The following KCNMB2 variants were observed in gnomAD, a reference collection of about 807,000 sequenced individuals.
KCNMB2 encodes the protein potassium calcium-activated channel subfamily M regulatory beta subunit 2.
Under a neutral mutation model 24.5 loss-of-function variants are expected in KCNMB2, and 9 were observed. The ratio of observed to expected loss-of-function variants is 0.37; its 90% CI spans 0.22 to 0.64. The LOEUF (loss-of-function observed/expected upper bound fraction) is 0.64. Ranked by LOEUF, KCNMB2 falls within the 30% of genes least tolerant of loss-of-function variation. The pLI is 0.63. For synonymous variants in KCNMB2, 109 were observed against 104.4 expected (o/e 1.04, Z -0.27); for missense variants, 226 against 284.3 (o/e 0.79, Z 1.47).
rs1225230885 is a variant in KCNMB2 at position 178,843,089 on chromosome 3, A to G, written c.*152A>G. 5.8e-6 allele frequency: 4 copies of G among 686,824 alleles called. No individual in the cohort carries two copies. The highest frequency in any genetic ancestry group is 7.8e-6 in the Non-Finnish European group (3 of 385,922). 42.5% of individuals were successfully genotyped at this position (686,824 alleles called of 1,614,324 possible). ...AGCAATAATGCAAAAGCTGTTCTATATGCAAACATGATGTCTTTATTATTC... is the reference window on the plus strand; with the variant it reads ...AGCAATAATGCAAAAGCTGTTCTATGTGCAAACATGATGTCTTTATTATTC... On this transcript the variant is annotated 3_prime_UTR_variant, in exon 5 of 5. Coordinates refer to ENST00000452583, the MANE Select transcript of KCNMB2 (RefSeq NM_181361.3).
chr3:178,546,052 G>C (rs1715762465), intron 1 of KCNMB2, among the ~76,000 whole-genome samples: 1 of 152,102 alleles, frequency 6.6e-6, no homozygotes, highest in Non-Finnish European at 1.5e-5. Flanking sequence ...AACAGCACAG[G>C]ACTCATTTCT....
intron 1 of KCNMB2, among the ~76,000 whole-genome samples, chr3:178,616,462 T>A (rs1427951674): frequency 2.0e-5 from 3 of 152,170 alleles, no homozygotes; most frequent in Non-Finnish European, 4.4e-5. Context: ...TAGTACTGTA[T>A]TCAATGCCTC....
intron 1 of KCNMB2, among the ~76,000 whole-genome samples, chr3:178,683,697 T>C (rs953475133): frequency 1.3e-5 from 2 of 152,208 alleles, no homozygotes; most frequent in Admixed American, 6.5e-5. Context: ...ACCCTCAGTT[T>C]AACCTTCACT....
intron 1 of KCNMB2, among the ~76,000 whole-genome samples, chr3:178,684,000 A>G (rs1451447130): frequency 2.0e-5 from 3 of 152,164 alleles, no homozygotes; most frequent in African/African-American, 7.2e-5. Context: ...TCACTGCTAT[A>G]CTTACAGTGA....
At chr3:178,617,757 G>T (rs186252109) in intron 1 of KCNMB2, among the ~76,000 whole-genome samples, 77 of 151,848 alleles carry the variant, frequency 5.1e-4, no homozygotes, top group Non-Finnish European at 9.1e-4. Context: ...TGAGTGTGGT[G>T]GTGGGTACCT....
intron 1 of KCNMB2, among the ~76,000 whole-genome samples, chr3:178,757,935 A>ATAT (rs1560006145): frequency 7.7e-6 from 1 of 130,712 alleles, no homozygotes; most frequent in African/African-American, 2.8e-5. Context: ...ATATATATAT[A>ATAT]CACAAGGGGA....
chr3:178,723,393 T>A (rs983434482), intron 1 of KCNMB2, among the ~76,000 whole-genome samples: 1 of 152,190 alleles, frequency 6.6e-6, no homozygotes, highest in African/African-American at 2.4e-5. Context: ...TCATCAGCAT[T>A]TTGTAGTTTT....
At chr3:178,724,546 G>T (rs1352203718) in intron 1 of KCNMB2, among the ~76,000 whole-genome samples, 1 of 151,930 alleles carries the variant, frequency 6.6e-6, no homozygotes, top group South Asian at 2.1e-4. Flanking sequence ...TCTTGCATTT[G>T]CTTTTAGGGT....
intron 1 of KCNMB2, among the ~76,000 whole-genome samples, chr3:178,745,468 A>T (rs564584119): frequency 6.6e-6 from 1 of 152,210 alleles, no homozygotes; most frequent in South Asian, 2.1e-4. Flanking sequence ...TTCAAGATGA[A>T]ATTTGGGTGC....
intron 1 of KCNMB2, among the ~76,000 whole-genome samples, chr3:178,715,326 T>A (rs1365101796): frequency 1.3e-5 from 2 of 152,036 alleles, no homozygotes; most frequent in Non-Finnish European, 2.9e-5. Context: ...GTGGTATAGT[T>A]TTTTCTATTG....
intron 1 of KCNMB2, among the ~76,000 whole-genome samples, chr3:178,775,965 A>G (rs2108426220): frequency 6.6e-6 from 1 of 152,262 alleles, no homozygotes. Context: ...TTCCATCTTA[A>G]GCACCCCTTC....
At chr3:178,835,771 A>C (rs1715205667) in intron 4 of KCNMB2, among the ~76,000 whole-genome samples, 2 of 152,070 alleles carry the variant, frequency 1.3e-5, no homozygotes, top group Non-Finnish European at 2.9e-5. Flanking sequence ...CTGGTTACTA[A>C]GGAGTTTTTA....
chr3:178,546,452 G>A (rs1325268045), intron 1 of KCNMB2, among the ~76,000 whole-genome samples: 1 of 152,180 alleles, frequency 6.6e-6, no homozygotes, highest in African/African-American at 2.4e-5. Context: ...GTATTCTAGT[G>A]AGAAGTAATA....
rs189775663 is a variant in KCNMB2, at chr3:178,564,432, G to A, written c.-68+27721G>A. 9.9e-5 allele frequency among the ~76,000 whole-genome samples: 15 copies of A among 152,228 alleles called. No homozygotes were observed. The East Asian group carries it at 2.9e-3, about 29-fold the overall frequency. On this transcript the variant is annotated intron_variant, in intron 1 of 4. Transcript: ENST00000452583. ...CTGAATATCATAGGTCTGAGAACAGGGCACTTAATCCAACTGGAAAAATTG... is the reference window on the plus strand; with the variant it reads ...CTGAATATCATAGGTCTGAGAACAGAGCACTTAATCCAACTGGAAAAATTG...
chr3:178,655,658 T>C (rs1263365326), intron 1 of KCNMB2, among the ~76,000 whole-genome samples: 4 of 152,244 alleles, frequency 2.6e-5, no homozygotes, highest in Admixed American at 2.6e-4. Flanking sequence ...AGGGCGACAG[T>C]GCTGTGGTTT....
At chr3:178,716,984 G>C (rs1292459924) in intron 1 of KCNMB2, among the ~76,000 whole-genome samples, 2 of 151,210 alleles carry the variant, frequency 1.3e-5, no homozygotes, top group African/African-American at 4.9e-5. Flanking sequence ...TGCCTTTTTG[G>C]AATAAGTTAA....
intron 1 of KCNMB2, among the ~76,000 whole-genome samples, chr3:178,682,909 T>G (rs1577094419): frequency 6.6e-6 from 1 of 152,238 alleles, no homozygotes; most frequent in East Asian, 1.9e-4. Context: ...AGGAAATGCC[T>G]ATACACTGTT....
intron 2 of KCNMB2, among the ~76,000 whole-genome samples, chr3:178,808,861 T>C (rs2108453339): frequency 1.3e-5 from 2 of 152,310 alleles, no homozygotes; most frequent in Non-Finnish European, 2.9e-5. Flanking sequence ...TTGTAACATA[T>C]TGTTACCTTA....
chr3:178,812,356 T>C (rs1714226529), intron 2 of KCNMB2, among the ~76,000 whole-genome samples: 1 of 151,040 alleles, frequency 6.6e-6, no homozygotes, highest in Non-Finnish European at 1.5e-5. Flanking sequence ...CATTTAGCAT[T>C]AGGTATATCT....
Sources: allele counts gnomAD v4.1 joint callset (sites outside exome capture counted in the v4.1 genomes callset), GRCh38; gene constraint gnomAD v4.1.1; transcripts MANE v1.5; gene names NCBI Gene and HGNC (gene_info 2026-07-23, HGNC 2026-07-21).